The following ADAMTS9 variants were observed in gnomAD, a reference collection of about 807,000 sequenced individuals.
ADAMTS9 encodes A disintegrin and metalloproteinase with thrombospondin motifs 9.
Under a neutral mutation model 257.1 loss-of-function variants are expected in ADAMTS9, and 107 were observed. The ratio of observed to expected loss-of-function variants is 0.42; its 90% CI spans 0.36 to 0.49. The LOEUF (loss-of-function observed/expected upper bound fraction) is 0.49, where lower values mean the gene tolerates loss of function less well. Among genes scored for constraint, ADAMTS9 ranks in the 20% least tolerant of loss-of-function variants. The pLI is 0.03. For synonymous variants in ADAMTS9, 982 were observed against 880.9 expected (o/e 1.11, Z -2.03); for missense variants, 2,353 against 2,469.1 (o/e 0.95, Z 1.00).
intron 30 of ADAMTS9, among the ~76,000 whole-genome samples, chr3:64,559,590 C>T (rs987227042): frequency 2.0e-5 from 3 of 152,236 alleles, no homozygotes; most frequent in Non-Finnish European, 4.4e-5. Context: ...AGGTTATCTC[C>T]TGAAGCCGTC....
At chr3:64,590,337 C>A (rs2084238299) in intron 28 of ADAMTS9, among the ~76,000 whole-genome samples, 1 of 152,060 alleles carries the variant, frequency 6.6e-6, no homozygotes. Flanking sequence ...TAAAATGTAT[C>A]TTTTTAAAAC....
intron 26 of ADAMTS9, among the ~76,000 whole-genome samples, chr3:64,601,053 G>A (rs1188209814): frequency 1.3e-5 from 2 of 151,940 alleles, no homozygotes; most frequent in African/African-American, 4.8e-5. Context: ...GTATTGCACA[G>A]CATATTTTTT....
At chr3:64,673,266 C>T (rs2107021792) in intron 3 of ADAMTS9, among the ~76,000 whole-genome samples, 1 of 152,130 alleles carries the variant, frequency 6.6e-6, no homozygotes, top group East Asian at 1.9e-4. Flanking sequence ...AGTCAAAAAA[C>T]CTCCCAAAGA....
intron 12 of ADAMTS9, among the ~76,000 whole-genome samples, chr3:64,634,793 T>C (rs371428467): frequency 2.6e-5 from 4 of 152,320 alleles, no homozygotes; most frequent in Admixed American, 6.5e-5. Flanking sequence ...TCACCCTTTT[T>C]CCTTTAGAAT....
chr3:64,602,656 A>G (rs2084486977), intron 25 of ADAMTS9, among the ~76,000 whole-genome samples: 1 of 152,112 alleles, frequency 6.6e-6, no homozygotes, highest in Non-Finnish European at 1.5e-5. Context: ...TACCTACTGC[A>G]CCTTTTGCTG....
chr3:64,612,863 C>A (rs1481514290), intron 22 of ADAMTS9, among the ~76,000 whole-genome samples: 1 of 152,140 alleles, frequency 6.6e-6, no homozygotes, highest in African/African-American at 2.4e-5. Flanking sequence ...GAGGGTTTTG[C>A]AACCTTTGAT....
intron 12 of ADAMTS9, among the ~76,000 whole-genome samples, chr3:64,637,390 G>C (rs906624530): frequency 3.3e-5 from 5 of 152,170 alleles, no homozygotes; most frequent in African/African-American, 7.2e-5. Context: ...ATGTCAAATA[G>C]GGATAGGGAG....
At chr3:64,611,013 T>G (rs1235412888) in intron 22 of ADAMTS9, among the ~76,000 whole-genome samples, 1 of 145,492 alleles carries the variant, frequency 6.9e-6, no homozygotes, top group Non-Finnish European at 1.5e-5. Context: ...GAGGCAGAGG[T>G]TGCCATGAGC....
intron 19 of ADAMTS9, among the ~76,000 whole-genome samples, chr3:64,619,678 G>A (rs1351179286): frequency 1.3e-5 from 2 of 151,978 alleles, no homozygotes; most frequent in Non-Finnish European, 2.9e-5. Flanking sequence ...ATATATAACT[G>A]TTAGAAAAAA....
In ADAMTS9 at chr3:64,611,615, T is replaced by C. The variant is rs1224401585; in HGVS notation, c.3354+1730A>G. ...TGGGATGAAACTGTTCCACCTCAGA[T>C]CATTAGACATTAGATTCTCATAAGG... On this transcript the variant is annotated intron_variant, in intron 22 of 39. Coordinates refer to ENST00000498707, the MANE Select transcript of ADAMTS9 (RefSeq NM_182920.2). Among the ~76,000 whole-genome samples the C allele has an allele frequency of 2.0e-5, 3 of 152,094 alleles. No individual in the cohort carries two copies. The East Asian group carries it at 5.8e-4, about 29-fold the overall frequency.
intron 30 of ADAMTS9, among the ~76,000 whole-genome samples, chr3:64,558,260 T>C: frequency 6.6e-6 from 1 of 152,194 alleles, no homozygotes; most frequent in East Asian, 1.9e-4. Flanking sequence ...CCAGCCATAT[T>C]ATTTACTAAA....
chr3:64,686,821 G>A lies in ADAMTS9; in HGVS notation c.263C>T (p.Ser88Phe), dbSNP rs775367607. Residue 88 changes from serine to phenylalanine, a missense_variant, in exon 2 of 40, where the codon TCC becomes TTC. By Grantham distance (155) the Ser-to-Phe change is radical. Transcript: ENST00000498707. This position sits in a 1 kb window ranked among gnomAD's most constrained non-coding sequence, Gnocchi z 4.6. ...SATDPWPAFASSSSSSTSSQA... is the reference protein window; with the variant it reads ...SATDPWPAFAFSSSSSTSSQA... ...GGAGGAGGTAGAGGAGGAAGAGGAG[G>A]AGGCGAAGGCAGGCCAGGGGTCAGT... is the stretch of plus-strand genomic sequence containing the variant. 1.2e-6 allele frequency: 2 copies of A among 1,614,138 alleles called. No individual in the cohort carries two copies. The highest frequency in any genetic ancestry group is 1.1e-5 in the South Asian group (1 of 91,082).
chr3:64,606,560 T>C (rs1174923812), intron 23 of ADAMTS9, among the ~76,000 whole-genome samples: 1 of 152,230 alleles, frequency 6.6e-6, no homozygotes, highest in Non-Finnish European at 1.5e-5. Context: ...TAATAATCAG[T>C]TTGCAAAACT....
intron 32 of ADAMTS9, among the ~76,000 whole-genome samples, chr3:64,544,172 G>A (rs1180769365): frequency 6.6e-6 from 1 of 152,052 alleles, no homozygotes; most frequent in Non-Finnish European, 1.5e-5. Flanking sequence ...TCAATATCAT[G>A]AACATGGCCA....
At chr3:64,533,472 G>A (rs752959244) in intron 37 of ADAMTS9, among the ~76,000 whole-genome samples, 3 of 152,226 alleles carry the variant, frequency 2.0e-5, no homozygotes, top group African/African-American at 4.8e-5. Flanking sequence ...ATCCTCGAAA[G>A]AGCTCTACGA....
chr3:64,655,208 C>T (rs1032197836), intron 6 of ADAMTS9, among the ~76,000 whole-genome samples: 6 of 152,222 alleles, frequency 3.9e-5, no homozygotes, highest in African/African-American at 1.4e-4. Context: ...ACAGCAGCTG[C>T]CCTTGCCTGT....
chr3:64,575,938 T>C (rs1258685744), intron 28 of ADAMTS9, among the ~76,000 whole-genome samples: 3 of 152,350 alleles, frequency 2.0e-5, no homozygotes, highest in Non-Finnish European at 4.4e-5. Flanking sequence ...AAAAAAATTT[T>C]GTTAACTAAT....
chr3:64,608,092 C>T (rs1403151211), intron 22 of ADAMTS9, among the ~76,000 whole-genome samples: 7 of 149,138 alleles, frequency 4.7e-5, no homozygotes, highest in Admixed American at 4.7e-4. Flanking sequence ...AAAATGAAAG[C>T]AGAATATAAG....
chr3:64,570,283 G>A (rs2083647389), intron 28 of ADAMTS9, among the ~76,000 whole-genome samples: 1 of 152,124 alleles, frequency 6.6e-6, no homozygotes, highest in Non-Finnish European at 1.5e-5. Context: ...CATTAATTAA[G>A]TGATGACAAA....
Sources: gnomAD v4.1 joint callset for allele counts (sites outside exome capture counted in the v4.1 genomes callset) on GRCh38, gnomAD v4.1.1 for gene constraint, Gnocchi (gnomAD v3.1) non-coding constraint, MANE v1.5 for transcripts, NCBI Gene and HGNC (gene_info 2026-07-23, HGNC 2026-07-21) for gene names.